Variants in ORC4 observed in about 807,000 individuals in gnomAD.
ORC4 encodes origin recognition complex, subunit 4 homolog.
A neutral mutation model predicts 63.9 loss-of-function variants in ORC4; 55 were observed. The ratio of observed to expected loss-of-function variants is 0.86; its 90% CI spans 0.69 to 1.08. The LOEUF is 1.08. Among genes scored for constraint, ORC4 ranks in the 50% least tolerant of loss-of-function variants. The pLI, the probability that ORC4 is intolerant of heterozygous loss-of-function variation, is 0.00. For synonymous variants in ORC4, 150 were observed against 168.5 expected, an observed-to-expected ratio of 0.89 and a Z score of 0.85; for missense variants, 511 against 504.4, an observed-to-expected ratio of 1.01 and a Z score of -0.13.
intron 4 of ORC4, among the ~76,000 whole-genome samples, chr2:147,969,949 T>G (rs189406462): frequency 6.6e-6 from 1 of 151,996 alleles, no homozygotes; most frequent in African/African-American, 2.4e-5. Context: ...CATAACTGTC[T>G]AAGTAAAAAA....
chr2:147,999,463 G>A (rs757084145), intron 1 of ORC4, among the ~76,000 whole-genome samples: 35 of 152,072 alleles, frequency 2.3e-4, no homozygotes, highest in Admixed American at 1.9e-3. Flanking sequence ...ATTGTTCTTC[G>A]TTGTTGGAGC....
chr2:147,967,502 T>C (rs1391219290), intron 4 of ORC4, among the ~76,000 whole-genome samples: 1 of 149,660 alleles, frequency 6.7e-6, no homozygotes, highest in Non-Finnish European at 1.5e-5. Flanking sequence ...AACAACAAAC[T>C]ACCCGAAAAA....
chr2:148,006,422 T>C (rs1366207859), intron 1 of ORC4, among the ~76,000 whole-genome samples: 3 of 152,328 alleles, frequency 2.0e-5, no homozygotes, highest in Admixed American at 2.0e-4. Flanking sequence ...GCCTTGGTAC[T>C]GCACTGGCCT....
At chr2:148,017,211 A>G (rs1216765833) in intron 1 of ORC4, among the ~76,000 whole-genome samples, 1 of 152,254 alleles carries the variant, frequency 6.6e-6, no homozygotes, top group Non-Finnish European at 1.5e-5. Context: ...ACACTAAAAG[A>G]AAACAAGGTG....
At chr2:147,975,167 C>G (rs1017655627) in intron 2 of ORC4, among the ~76,000 whole-genome samples, 8 of 152,106 alleles carry the variant, frequency 5.3e-5, no homozygotes, top group Non-Finnish European at 7.4e-5. Context: ...TAGATAAATA[C>G]AAATGCCAGG....
intron 1 of ORC4, among the ~76,000 whole-genome samples, chr2:148,012,922 C>G (rs919093805): frequency 6.6e-6 from 1 of 152,100 alleles, no homozygotes; most frequent in Non-Finnish European, 1.5e-5. Context: ...TGGCTTTTAT[C>G]GAAAAGGCAG....
intron 1 of ORC4, among the ~76,000 whole-genome samples, chr2:147,999,709 G>A (rs1319399861): frequency 2.0e-5 from 3 of 151,956 alleles, no homozygotes; most frequent in East Asian, 1.9e-4. Context: ...ATGACACCAG[G>A]GGTTTCCACC....
intron 1 of ORC4, among the ~76,000 whole-genome samples, chr2:147,997,631 A>G (rs1308503643): frequency 6.6e-6 from 1 of 152,134 alleles, no homozygotes. Flanking sequence ...ACAAAGCTCT[A>G]TGATCTCATG....
intron 1 of ORC4, among the ~76,000 whole-genome samples, chr2:148,016,131 A>C (rs1244870565): frequency 6.6e-6 from 1 of 152,222 alleles, no homozygotes; most frequent in African/African-American, 2.4e-5. Flanking sequence ...ATTTAAAAAA[A>C]CACCGTTTTG....
At chr2:147,966,331 A>C (rs1317139974) in intron 4 of ORC4, among the ~76,000 whole-genome samples, 2 of 152,048 alleles carry the variant, frequency 1.3e-5, no homozygotes, top group Non-Finnish European at 2.9e-5. Flanking sequence ...TAAATTAAAA[A>C]ATCTAACAAT....
intron 1 of ORC4, among the ~76,000 whole-genome samples, chr2:148,011,192 C>T (rs1379818662): frequency 6.6e-6 from 1 of 152,014 alleles, no homozygotes; most frequent in Admixed American, 6.6e-5. Context: ...AAACTACAGG[C>T]CAGTATCTCT....
chr2:147,951,722 C>G (rs1266352622), intron 8 of ORC4: 1 of 152,172 alleles, frequency 6.6e-6, no homozygotes, highest in East Asian at 1.9e-4. Flanking sequence ...GGCCAAGGCA[C>G]TCTTCAATAC....
At chr2:148,000,697 A>T (rs1692248711) in intron 1 of ORC4, among the ~76,000 whole-genome samples, 1 of 152,114 alleles carries the variant, frequency 6.6e-6, no homozygotes, top group African/African-American at 2.4e-5. Context: ...ATGCTCTGGG[A>T]GAAATTTCTT....
chr2:148,009,159 A>G (rs1416386453), intron 1 of ORC4, among the ~76,000 whole-genome samples: 2 of 152,076 alleles, frequency 1.3e-5, no homozygotes, highest in Admixed American at 6.5e-5. Context: ...AAAAACCTCT[A>G]ATAGGTGCAC....
At chr2:147,938,519 T>C in intron 11 of ORC4, 126 bp from the exon 12 acceptor site, 1 of 664,530 alleles carries the variant, frequency 1.5e-6, no homozygotes. Context: ...AAGATTCTTC[T>C]AGATTTCAAT....
intron 8 of ORC4, among the ~76,000 whole-genome samples, chr2:147,950,774 AAAAAAG>A (rs1177873096): frequency 6.6e-6 from 1 of 151,470 alleles, no homozygotes; most frequent in African/African-American, 2.4e-5. Context: ...CAAAAAAAAA[AAAAAAG>A]AAAAAGAAAA....
Position 147,931,671 on chromosome 2 carries a change from TAATCC to T in ORC4, c.*3834_*3838del, listed in dbSNP as rs1440848953. The T allele has an allele frequency of 6.6e-6, 1 of 152,052 alleles. No individual in the cohort carries two copies. Among genetic ancestry groups the T allele is most frequent in the Non-Finnish European group, 1.5e-5 (1 of 68,054 alleles). 9.4% of individuals were successfully genotyped at this position (152,052 alleles called of 1,614,324 possible). On this transcript the variant is annotated 3_prime_UTR_variant, in exon 14 of 14. Transcript: ENST00000392857. The stretch of plus-strand genomic sequence containing the variant: ...TTCAATATACGCAAATCAATGAATG[TAATCC>T]AGCATATAAACAGAGCCAAAGACAA...
chr2:147,978,966 C>T (rs567945840), intron 1 of ORC4, among the ~76,000 whole-genome samples: 3 of 152,066 alleles, frequency 2.0e-5, no homozygotes, highest in African/African-American at 4.8e-5. Context: ...TACTTCAACA[C>T]AATAAAGGCC....
At chr2:147,936,210 A>G (rs1188076379) in intron 13 of ORC4, 1 of 162,426 alleles carries the variant, frequency 6.2e-6, no homozygotes, top group African/African-American at 2.4e-5. Context: ...CTGATCCTGT[A>G]AGTAAAGGAT....
Sources: gnomAD v4.1 joint callset for allele counts (sites outside exome capture counted in the v4.1 genomes callset) on GRCh38, gnomAD v4.1.1 for gene constraint, MANE v1.5 for transcripts, NCBI Gene and HGNC (gene_info 2026-07-23, HGNC 2026-07-21) for gene names.